Variants in UGT1A5 observed in about 807,000 individuals in gnomAD.
The protein encoded by UGT1A5 is UDP glucuronosyltransferase family 1 member A5.
Under a neutral mutation model 40.3 loss-of-function variants are expected in UGT1A5, and 29 were observed. The ratio of observed to expected loss-of-function variants is 0.72; its 90% CI spans 0.54 to 0.98. UGT1A5 has a LOEUF of 0.98. Ranked by LOEUF, UGT1A5 falls within the 50% of genes least tolerant of loss-of-function variation. The probability of loss-of-function intolerance (pLI) is 0.00; values close to 1 mark genes in which losing one functional copy is unlikely to be tolerated. For synonymous variants in UGT1A5, 257 were observed against 262.5 expected, an observed-to-expected ratio of 0.98 and a Z score of 0.20; for missense variants, 678 against 677.9, an observed-to-expected ratio of 1.00 and a Z score of 0.00.
intron 1 of UGT1A5, among the ~76,000 whole-genome samples, chr2:233,751,294 T>C (rs985259482): frequency 6.6e-6 from 1 of 151,990 alleles, no homozygotes; most frequent in African/African-American, 2.4e-5. Flanking sequence ...CCATTTGGAA[T>C]GGGAATATTT....
intron 1 of UGT1A5, chr2:233,754,665 A>AT (rs752229414): frequency 4.5e-5 from 21 of 465,290 alleles, no homozygotes; most frequent in South Asian, 1.9e-4. Flanking sequence ...CTTGGTGGTG[A>AT]TTTTTTTACC....
chr2:233,721,842 C>T (rs2076975101), intron 1 of UGT1A5: 2 of 515,392 alleles, frequency 3.9e-6, no homozygotes, highest in African/African-American at 1.9e-5. Flanking sequence ...GACCTTGTGT[C>T]CAGCCCCACT....
rs1273237448 is a variant in UGT1A5 at position 233,760,469 on chromosome 2, C to G, written c.868-6565C>G. The G allele has an allele frequency of 6.2e-6, 10 of 1,614,092 alleles. No homozygotes were observed. The highest frequency in any genetic ancestry group is 2.2e-5 in the South Asian group (2 of 91,086). On this transcript the variant is annotated intron_variant, in intron 1 of 4. Transcript: ENST00000373414. The stretch of plus-strand genomic sequence containing the variant: ...AGGGGACATGAAATAGTTGTCCTAG[C>G]ACCTGACGCCTCGTTGTACATCAGA...
At chr2:233,733,588 G>A (rs965491373) in intron 1 of UGT1A5, among the ~76,000 whole-genome samples, 3 of 152,178 alleles carry the variant, frequency 2.0e-5, no homozygotes, top group African/African-American at 7.2e-5. Flanking sequence ...CATTGGTTCT[G>A]TTTATGTGAT....
At chr2:233,754,520 T>C in intron 1 of UGT1A5, 1 of 365,678 alleles carries the variant, frequency 2.7e-6, no homozygotes, top group East Asian at 7.3e-5. Flanking sequence ...CAGATGTGCT[T>C]AAAGGCAAAT....
At position 233,768,210 on chromosome 2, in the gene UGT1A5, T is replaced by G; in HGVS notation, c.1088-10T>G. 1 of 1,614,186 alleles carries G rather than the reference T, an allele frequency of 6.2e-7. No individual in the cohort carries two copies. The highest frequency in any genetic ancestry group is 1.1e-5 in the South Asian group (1 of 91,084). On this transcript the variant is annotated splice_polypyrimidine_tract_variant and intron_variant, in intron 3 of 4. Transcript: ENST00000373414. Reference sequence around the variant, plus strand: ...GTAACTGCTGACATCCTCCCTATTTTGCATCTCAGGTCACCCGATGACCCG... The same window carrying G: ...GTAACTGCTGACATCCTCCCTATTTGGCATCTCAGGTCACCCGATGACCCG...
Position 233,746,688 on chromosome 2 carries a change from A to G in UGT1A5, c.868-20346A>G, listed in dbSNP as rs575730371. 2.2e-4 allele frequency among the ~76,000 whole-genome samples: 34 copies of G among 151,888 alleles called. 2 individuals carry two copies. The highest frequency in any genetic ancestry group is 7.5e-4 in the African/African-American group (31 of 41,174). On this transcript the variant is annotated intron_variant, in intron 1 of 4. Transcript: ENST00000373414. The stretch of plus-strand genomic sequence containing the variant: ...CTAGCATAGTAGGTAGGGCTCACAC[A>G]TTCCATAAATATTTGGTGGATAAGG...
chr2:233,766,278 C>CGGGCTCGGTGGCCT (rs201295078), intron 1 of UGT1A5, among the ~76,000 whole-genome samples: 1 of 116,250 alleles, frequency 8.6e-6, no homozygotes, highest in East Asian at 2.1e-4. Flanking sequence ...CTCGGTGGCC[C>CGGGCTCGGTGGCCT]GGGCTCGGTG....
In UGT1A5 at chr2:233,713,105, C is replaced by A. The variant is rs1300950755; in HGVS notation, c.114C>A (p.Gly38=). Residue 38 remains glycine, a synonymous_variant, in exon 1 of 5, where the codon GGC becomes GGA. Coordinates refer to ENST00000373414, the MANE Select transcript of UGT1A5 (RefSeq NM_019078.2). Reference sequence around the variant, plus strand: ...AGGTGCTGGTGGTGCCCACTGATGGCAGCCACTGGCTCAGCATGCGGGAGG... The same window carrying A: ...AGGTGCTGGTGGTGCCCACTGATGGAAGCCACTGGCTCAGCATGCGGGAGG... The part of the protein sequence containing the change: ...SGKVLVVPTD[G]SHWLSMREAL... 1 of 1,614,212 alleles carries A rather than the reference C, an allele frequency of 6.2e-7. No individual in the cohort carries two copies. The highest frequency in any genetic ancestry group is 1.7e-5 in the Admixed American group (1 of 60,032).
In UGT1A5 at chr2:233,769,761, G is replaced by C; in HGVS notation, c.1307+1322G>C. 7.1e-6 allele frequency: 10 copies of C among 1,414,228 alleles called. No homozygotes were observed. The highest frequency in any genetic ancestry group is 9.3e-6 in the Non-Finnish European group (10 of 1,080,644). 87.6% of individuals were successfully genotyped at this position (1,414,228 alleles called of 1,614,324 possible). A position where few individuals can be genotyped will look rare whatever the true frequency, so the allele number is the denominator to read the frequency against. On this transcript the variant is annotated intron_variant, in intron 4 of 4. Transcript: ENST00000373414. The surrounding 1 kb of genome is among the most constrained non-coding windows in gnomAD (Gnocchi z 4.4). ...TCCCAGCCACTCTGGAGGCTAAGGC[G>C]GGAGGATTGCTTGAGCCCAGAAGTT...
chr2:233,722,032 C>A, intron 1 of UGT1A5: 1 of 244,322 alleles, frequency 4.1e-6, no homozygotes, highest in Non-Finnish European at 8.2e-6. Flanking sequence ...TCTTGAATTG[C>A]ATGATTTTGT....
intron 1 of UGT1A5, chr2:233,743,737 C>T: frequency 7.3e-7 from 1 of 1,367,416 alleles, no homozygotes. Flanking sequence ...TATCGCGTTT[C>T]TTGGCGTCCG....
intron 1 of UGT1A5, chr2:233,748,181 C>A: frequency 1.3e-6 from 2 of 1,573,702 alleles, no homozygotes; most frequent in Non-Finnish European, 1.7e-6. Flanking sequence ...CTTTCTGGTG[C>A]TTTTATTTCT....
rs761652085 is a variant in UGT1A5, at chr2:233,739,540, G to A, written c.867+25682G>A. On this transcript the variant is annotated intron_variant, in intron 1 of 4. Transcript: ENST00000373414. ...TGAAGTCAAGGGAGATTATTTTGGA[G>A]CTTTAAGATTTAATGACTGCCCTGC... Among the ~76,000 whole-genome samples, 14 of 152,360 alleles carry A rather than the reference G, an allele frequency of 9.2e-5. No homozygotes were observed. The South Asian group carries it at 2.1e-3, about 23-fold the overall frequency.
At chr2:233,757,745 C>T (rs1696711859) in intron 1 of UGT1A5, among the ~76,000 whole-genome samples, 1 of 151,332 alleles carries the variant, frequency 6.6e-6, no homozygotes. Context: ...GGGCACTGGA[C>T]ATGTTTATGT....
At chr2:233,743,713 A>C in intron 1 of UGT1A5, 1 of 1,367,332 alleles carries the variant, frequency 7.3e-7, no homozygotes, top group Non-Finnish European at 9.8e-7. Flanking sequence ...CCGCCTCGCC[A>C]TAGCGGTCAT....
rs2076276099 is a variant in UGT1A5 at position 233,713,073 on chromosome 2, A to G, written c.82A>G (p.Ser28Gly). Residue 28 changes from serine (S) to glycine (G), a missense_variant, in exon 1 of 5, where the codon AGT (serine) becomes GGT (glycine). Ser to Gly is a moderately conservative substitution (Grantham distance 56). Transcript: ENST00000373414. ...CCTCAGTGTCCAGCCCTGGGCTGAG[A>G]GTGGGAAGGTGCTGGTGGTGCCCAC... ...LLLSVQPWAE[S>G]GKVLVVPTDG... The G allele has an allele frequency of 1.2e-6, 2 of 1,614,110 alleles. No individual in the cohort carries two copies. Among genetic ancestry groups the G allele is most frequent in the African/African-American group, 2.7e-5 (2 of 75,060 alleles).
chr2:233,755,087 T>C (rs758822469), intron 1 of UGT1A5: 3 of 1,335,764 alleles, frequency 2.2e-6, no homozygotes, highest in South Asian at 1.1e-5. Flanking sequence ...AGATATCGCG[T>C]TTCTACGCGT....
intron 1 of UGT1A5, chr2:233,718,024 G>A (rs566004281): frequency 1.0e-5 from 4 of 386,248 alleles, no homozygotes; most frequent in South Asian, 1.9e-5. Context: ...CAGCTCCCCA[G>A]GTCCTTTGGT....
Sources: allele counts gnomAD v4.1 joint callset (sites outside exome capture counted in the v4.1 genomes callset), GRCh38; gene constraint gnomAD v4.1.1; non-coding constraint Gnocchi (gnomAD v3.1); transcripts MANE v1.5; gene names NCBI Gene and HGNC (gene_info 2026-07-23, HGNC 2026-07-21).